The following SLC30A9 variants were observed in gnomAD, a reference collection of about 807,000 sequenced individuals.
SLC30A9 encodes the protein solute carrier family 30 member 9, also known as proton-coupled zinc antiporter SLC30A9, mitochondrial.
In SLC30A9, 58 loss-of-function variants were observed where a neutral mutation model predicts 87.5. That is an observed-to-expected ratio of 0.66 (90% CI 0.54 to 0.82). The LOEUF (loss-of-function observed/expected upper bound fraction) is 0.82. Ranked by LOEUF, SLC30A9 falls within the 40% of genes least tolerant of loss-of-function variation. The pLI is 0.00. For missense variants in SLC30A9, 557 were observed against 679.1 expected (o/e 0.82, Z 2.00); for synonymous variants, 234 against 233.0 (o/e 1.00, Z -0.04).
intron 6 of SLC30A9, among the ~76,000 whole-genome samples, chr4:42,032,504 A>G (rs1438135950): frequency 6.6e-6 from 1 of 152,190 alleles, no homozygotes; most frequent in Non-Finnish European, 1.5e-5. Flanking sequence ...AGAAATGACA[A>G]TATTTCCTTC....
intron 9 of SLC30A9, among the ~76,000 whole-genome samples, chr4:42,057,369 G>A (rs1717666015): frequency 6.6e-6 from 1 of 152,230 alleles, no homozygotes; most frequent in Admixed American, 6.5e-5. Context: ...AATCTAGGCA[G>A]AGATTTCCAA....
intron 1 of SLC30A9, among the ~76,000 whole-genome samples, chr4:41,996,577 A>G (rs1714718670): frequency 6.6e-6 from 1 of 151,846 alleles, no homozygotes; most frequent in Non-Finnish European, 1.5e-5. Flanking sequence ...CATCTCTACA[A>G]AAAAAAATTA....
intron 5 of SLC30A9, 146 bp from the exon 6 acceptor site, chr4:42,023,156 T>G: frequency 1.5e-6 from 1 of 669,852 alleles, no homozygotes; most frequent in Non-Finnish European, 2.6e-6. Flanking sequence ...TTAGATTTCA[T>G]TTGGAAAAGT....
At chr4:41,998,923 G>A (rs1577676454) in intron 1 of SLC30A9, among the ~76,000 whole-genome samples, 1 of 152,154 alleles carries the variant, frequency 6.6e-6, no homozygotes, top group Admixed American at 6.5e-5. Flanking sequence ...AATGCCAAAT[G>A]TGTACTTTTA....
In SLC30A9 at chr4:42,088,759, A is replaced by G. The variant is rs781231494; in HGVS notation, c.*2633A>G. The G allele has an allele frequency of 2.0e-5, 3 of 152,212 alleles. No homozygotes were observed. Among genetic ancestry groups the G allele is most frequent in the Non-Finnish European group, 4.4e-5 (3 of 68,098 alleles). The allele number at this position is 152,212 out of a possible 1,614,324, so 9.4% of individuals were successfully genotyped here. On this transcript the variant is annotated 3_prime_UTR_variant, in exon 18 of 18. Transcript: ENST00000264451. ...TCTCCCACCAGGCCCTACCTCCAAC[A>G]TGGGATTACAATTCGACATGAGATT...
intron 7 of SLC30A9, among the ~76,000 whole-genome samples, chr4:42,037,158 A>C (rs1716708088): frequency 6.7e-6 from 1 of 148,896 alleles, no homozygotes; most frequent in South Asian, 2.1e-4. Flanking sequence ...CCCTTTAGGA[A>C]TGGTTGTTCT....
rs1314008979 is a variant in SLC30A9 at position 42,090,237 on chromosome 4, C to T, written c.*4111C>T. The stretch of plus-strand genomic sequence containing the variant: ...TCTCCCCTAAATCCTTCATTTCTTT[C>T]TCTGAAATGGAACTTTGGAAGCCAT... On this transcript the variant is annotated 3_prime_UTR_variant, in exon 18 of 18. Coordinates refer to ENST00000264451, the MANE Select transcript of SLC30A9 (RefSeq NM_006345.4). 1 of 152,178 alleles carries T rather than the reference C, an allele frequency of 6.6e-6. No homozygotes were observed. The highest frequency in any genetic ancestry group is 2.4e-5 in the African/African-American group (1 of 41,440). The allele number at this position is 152,178 out of a possible 1,614,324, so 9.4% of individuals were successfully genotyped here. A position where few individuals can be genotyped will look rare whatever the true frequency, so the allele number is the denominator to read the frequency against.
intron 7 of SLC30A9, among the ~76,000 whole-genome samples, chr4:42,038,539 CAGAGTTTATGGCTTACAAATCGA>C (rs1716782652): frequency 1.3e-5 from 2 of 152,226 alleles, no homozygotes; most frequent in Admixed American, 1.3e-4. Flanking sequence ...GACCCATAGT[CAGAGTTTATGGCTTACAAATCGA>C]AGTAAAAGTT....
intron 17 of SLC30A9, among the ~76,000 whole-genome samples, chr4:42,084,310 T>A (rs1219719840): frequency 2.0e-5 from 3 of 152,108 alleles, no homozygotes; most frequent in Non-Finnish European, 4.4e-5. Flanking sequence ...TTATACTACT[T>A]CTCTTGATTT....
At chr4:42,041,450 A>G (rs1018488285) in intron 8 of SLC30A9, among the ~76,000 whole-genome samples, 4 of 152,140 alleles carry the variant, frequency 2.6e-5, no homozygotes, top group Non-Finnish European at 4.4e-5. Context: ...TTAAGGAAAT[A>G]GCAGGCCTGG....
At chr4:42,059,111 A>T (rs1008006324) in intron 9 of SLC30A9, among the ~76,000 whole-genome samples, 1 of 150,432 alleles carries the variant, frequency 6.6e-6, no homozygotes, top group Admixed American at 6.6e-5. Context: ...TTTTTATTAG[A>T]AAAAATGTGT....
At position 42,088,144 on chromosome 4, in the gene SLC30A9, A is replaced by G. The variant is rs1718986285; in HGVS notation, c.*2018A>G. The G allele has an allele frequency of 6.6e-6, 1 of 152,202 alleles. No individual in the cohort carries two copies. The highest frequency in any genetic ancestry group is 2.1e-4 in the South Asian group (1 of 4,836). The allele number at this position is 152,202 out of a possible 1,614,324, so 9.4% of individuals were successfully genotyped here. On this transcript the variant is annotated 3_prime_UTR_variant, in exon 18 of 18. Transcript: ENST00000264451. The stretch of plus-strand genomic sequence containing the variant: ...TTCTGTTTTGCACTGATAAACTTAC[A>G]TAAAGTTTGTTTATGTAAAATAAGA...
chr4:42,087,359 G>A lies in SLC30A9; in HGVS notation c.*1233G>A, dbSNP rs1331082887. ...AGGTAGCAGTGAGCATTGTTCATAT[G>A]AGAATGGCGGCTGGGTGATCTCTTT... is the stretch of plus-strand genomic sequence containing the variant. On this transcript the variant is annotated 3_prime_UTR_variant, in exon 18 of 18. Coordinates refer to ENST00000264451, the MANE Select transcript of SLC30A9 (RefSeq NM_006345.4). 1 of 152,168 alleles carries A rather than the reference G, an allele frequency of 6.6e-6. No individual in the cohort carries two copies. Among genetic ancestry groups the A allele is most frequent in the African/African-American group, 2.4e-5 (1 of 41,446 alleles). The allele number at this position is 152,168 out of a possible 1,614,324, so 9.4% of individuals were successfully genotyped here.
intron 16 of SLC30A9, 106 bp downstream of exon 16, chr4:42,075,892 C>T: frequency 9.1e-7 from 1 of 1,096,394 alleles, no homozygotes. Context: ...CTTTAGCTCT[C>T]AACTTCTTAG....
chr4:42,025,972 G>T (rs1716176264), intron 6 of SLC30A9, among the ~76,000 whole-genome samples: 2 of 151,992 alleles, frequency 1.3e-5, no homozygotes, highest in Admixed American at 1.3e-4. Flanking sequence ...TTTTTTTTAA[G>T]AGATGAGGTC....
intron 4 of SLC30A9, among the ~76,000 whole-genome samples, 166 bp from the exon 5 acceptor site, chr4:42,022,672 G>A (rs1716022783): frequency 6.6e-6 from 1 of 151,888 alleles, no homozygotes; most frequent in South Asian, 2.1e-4. Context: ...TCTATTTTTT[G>A]TATACAAAAT....
intron 16 of SLC30A9, 66 bp downstream of exon 16, chr4:42,075,852 T>G (rs1247448930): frequency 2.0e-6 from 3 of 1,513,722 alleles, no homozygotes; most frequent in Non-Finnish European, 2.7e-6. Flanking sequence ...GTAAACAAAA[T>G]GAAATTTTTT....
chr4:42,011,986 C>T (rs925116961), intron 2 of SLC30A9, among the ~76,000 whole-genome samples: 1 of 152,080 alleles, frequency 6.6e-6, no homozygotes. Flanking sequence ...AAATTGAAAG[C>T]ATTTAAGAAC....
chr4:42,090,125 C>A lies in SLC30A9; in HGVS notation c.*3999C>A, dbSNP rs887650591. On this transcript the variant is annotated 3_prime_UTR_variant, in exon 18 of 18. Coordinates refer to ENST00000264451, the MANE Select transcript of SLC30A9 (RefSeq NM_006345.4). ...CATTTGTCAAGCTTTGGCAGCATTT[C>A]TTTTAAATGTGATGAACCCCAATTT... is the stretch of plus-strand genomic sequence containing the variant. 1 of 152,184 alleles carries A rather than the reference C, an allele frequency of 6.6e-6. No homozygotes were observed. The highest frequency in any genetic ancestry group is 2.4e-5 in the African/African-American group (1 of 41,436). The allele number at this position is 152,184 out of a possible 1,614,324, so 9.4% of individuals were successfully genotyped here.
Sources: gnomAD v4.1 joint callset for allele counts (sites outside exome capture counted in the v4.1 genomes callset) on GRCh38, gnomAD v4.1.1 for gene constraint, MANE v1.5 for transcripts, NCBI Gene and HGNC (gene_info 2026-07-23, HGNC 2026-07-21) for gene names.